The following GSG1L variants were observed in gnomAD, a reference collection of about 807,000 sequenced individuals.
GSG1L encodes germ cell-specific gene 1-like protein.
GSG1L carries 24 observed loss-of-function variants against 42.1 expected under a neutral mutation model. That is an observed-to-expected ratio of 0.57 (90% CI 0.41 to 0.80). The LOEUF (loss-of-function observed/expected upper bound fraction) is 0.80, where lower values mean the gene tolerates loss of function less well. Among genes scored for constraint, GSG1L ranks in the 30% least tolerant of loss-of-function variants. The pLI, the probability that GSG1L is intolerant of heterozygous loss-of-function variation, is 0.00. For synonymous variants in GSG1L, 215 were observed against 203.5 expected (o/e 1.06, Z -0.48); for missense variants, 445 against 472.2 (o/e 0.94, Z 0.53).
intron 3 of GSG1L, among the ~76,000 whole-genome samples, chr16:27,869,703 ATTTCTCTCTCCT>A (rs2083783255): frequency 5.7e-5 from 3 of 53,030 alleles, no homozygotes; most frequent in Admixed American, 2.0e-4. Context: ...GTCTCCCTCC[ATTTCTCTCTCCT>A]TCTCTCTCTG....
intron 5 of GSG1L, among the ~76,000 whole-genome samples, chr16:27,824,380 G>C (rs1334092731): frequency 6.6e-6 from 1 of 152,118 alleles, no homozygotes; most frequent in Non-Finnish European, 1.5e-5. Flanking sequence ...GTCCCCCGTG[G>C]AGGAGAAGGA....
chr16:27,843,102 G>T (rs1010815623), intron 4 of GSG1L, among the ~76,000 whole-genome samples: 2 of 152,216 alleles, frequency 1.3e-5, no homozygotes, highest in Non-Finnish European at 2.9e-5. Flanking sequence ...GCACCTAGAA[G>T]AACAGCTGTC....
At chr16:27,959,980 A>G (rs1175311076) in intron 2 of GSG1L, among the ~76,000 whole-genome samples, 2 of 152,308 alleles carry the variant, frequency 1.3e-5, no homozygotes, top group Middle Eastern at 6.8e-3. Flanking sequence ...GTGTGATGCT[A>G]TGGTAAGAAA....
chr16:27,916,225 C>T (rs2084453519), intron 2 of GSG1L, among the ~76,000 whole-genome samples: 1 of 152,224 alleles, frequency 6.6e-6, no homozygotes, highest in South Asian at 2.1e-4. Flanking sequence ...GACCACACCC[C>T]TTCCATGCCA....
At chr16:27,954,580 T>G (rs138178383) in intron 2 of GSG1L, among the ~76,000 whole-genome samples, 3 of 152,188 alleles carry the variant, frequency 2.0e-5, no homozygotes, top group Non-Finnish European at 4.4e-5. Flanking sequence ...GAGTTCCTCT[T>G]GCGGGAAACT....
At chr16:27,958,540 T>C (rs2085032524) in intron 2 of GSG1L, among the ~76,000 whole-genome samples, 1 of 152,150 alleles carries the variant, frequency 6.6e-6, no homozygotes, top group African/African-American at 2.4e-5. Context: ...ATATATCAAA[T>C]ATATGTATGT....
chr16:27,800,302 C>T (rs529340071), intron 6 of GSG1L, among the ~76,000 whole-genome samples: 3 of 152,284 alleles, frequency 2.0e-5, no homozygotes, highest in Admixed American at 6.5e-5. Context: ...TTGAAATTCC[C>T]TCTGCTATTT....
intron 2 of GSG1L, among the ~76,000 whole-genome samples, chr16:27,913,449 A>G (rs2084414626): frequency 6.6e-6 from 1 of 152,126 alleles, no homozygotes; most frequent in Admixed American, 6.5e-5. Flanking sequence ...TTTTGAACTT[A>G]TTTTCATAAA....
intron 1 of GSG1L, among the ~76,000 whole-genome samples, chr16:28,037,444 C>T (rs2086053352): frequency 6.6e-6 from 1 of 152,212 alleles, no homozygotes; most frequent in Admixed American, 6.5e-5. Flanking sequence ...AGACCCACTC[C>T]AGTTCATCAA....
chr16:28,055,997 G>GTCTTTCCCT lies in GSG1L; in HGVS notation c.349+7078_349+7079insAGGGAAAGA, dbSNP rs534048323. ...GAAATAAACCAAGAGAGGGAGCAGG[G>GTCTTTCCCT]AAGAAAGAAGAACATCTGACAAGTC... On this transcript the variant is annotated intron_variant, in intron 1 of 6. Transcript: ENST00000447459. Among the ~76,000 whole-genome samples the GTCTTTCCCT allele has an allele frequency of 2.0e-3, 306 of 152,184 alleles. 2 individuals are homozygous for GTCTTTCCCT. Among genetic ancestry groups the GTCTTTCCCT allele is most frequent in the African/African-American group, 7.0e-3 (291 of 41,494 alleles).
intron 1 of GSG1L, among the ~76,000 whole-genome samples, chr16:27,996,954 G>A (rs1412805772): frequency 6.6e-6 from 1 of 152,202 alleles, no homozygotes; most frequent in Middle Eastern, 3.4e-3. Context: ...TACAGACAGG[G>A]TTTCGCCATG....
intron 3 of GSG1L, among the ~76,000 whole-genome samples, chr16:27,882,989 G>T (rs2141022816): frequency 6.6e-6 from 1 of 151,528 alleles, no homozygotes. Context: ...GGGGATGGGG[G>T]TTGCCTATAA....
chr16:27,963,323 A>G (rs2085092647), intron 1 of GSG1L, 120 bp from the exon 2 acceptor site: 1 of 823,916 alleles, frequency 1.2e-6, no homozygotes, highest in African/African-American at 1.7e-5. Context: ...GCCCAGTGAC[A>G]TCTTTCTCCA....
intron 1 of GSG1L, among the ~76,000 whole-genome samples, chr16:28,039,108 C>T (rs2086075259): frequency 6.6e-6 from 1 of 152,130 alleles, no homozygotes; most frequent in Admixed American, 6.5e-5. Flanking sequence ...ATCTAAATGC[C>T]AATCCTAGTT....
Position 27,911,216 on chromosome 16 carries a change from C to G in GSG1L, c.398-26578G>C, listed in dbSNP as rs181192662. 4.1e-3 allele frequency among the ~76,000 whole-genome samples: 615 copies of G among 151,582 alleles called. 6 individuals carry two copies. The highest frequency in any genetic ancestry group is 7.4e-3 in the Non-Finnish European group (502 of 67,926). ...ACAACCAAGCCCACTGTTTGTGTAGCCCAGTACAATCTGGCCTCCTTTCTT... is the reference window on the plus strand; with the variant it reads ...ACAACCAAGCCCACTGTTTGTGTAGGCCAGTACAATCTGGCCTCCTTTCTT... On this transcript the variant is annotated intron_variant, in intron 2 of 6. Transcript: ENST00000447459.
At chr16:27,959,915 A>G (rs2085050361) in intron 2 of GSG1L, among the ~76,000 whole-genome samples, 1 of 152,264 alleles carries the variant, frequency 6.6e-6, no homozygotes, top group Admixed American at 6.5e-5. Context: ...AAAACAAAAA[A>G]GACATTTCCC....
At chr16:27,829,604 T>C (rs1180890460) in intron 4 of GSG1L, among the ~76,000 whole-genome samples, 1 of 152,182 alleles carries the variant, frequency 6.6e-6, no homozygotes, top group Non-Finnish European at 1.5e-5. Flanking sequence ...TGAAGTGCAA[T>C]GGTGCGATCA....
intron 5 of GSG1L, among the ~76,000 whole-genome samples, chr16:27,816,070 T>A (rs960786221): frequency 2.6e-5 from 4 of 152,216 alleles, no homozygotes; most frequent in African/African-American, 9.6e-5. Flanking sequence ...GTTACTGTTG[T>A]CACCATTGTC....
At chr16:27,915,236 CA>C (rs1567517044) in intron 2 of GSG1L, among the ~76,000 whole-genome samples, 5 of 148,842 alleles carry the variant, frequency 3.4e-5, no homozygotes, top group Non-Finnish European at 5.9e-5. Flanking sequence ...CACACACACA[CA>C]CACCCTGTTG....
Sources: gnomAD v4.1 joint callset for allele counts (sites outside exome capture counted in the v4.1 genomes callset) on GRCh38, gnomAD v4.1.1 for gene constraint, MANE v1.5 for transcripts, NCBI Gene and HGNC (gene_info 2026-07-23, HGNC 2026-07-21) for gene names.